Variants in BCL11B observed in about 807,000 individuals in gnomAD.
The protein encoded by BCL11B is BCL11 transcription factor B.
A neutral mutation model predicts 49.9 loss-of-function variants in BCL11B; 8 were observed. That is an observed-to-expected ratio of 0.16 (90% CI 0.09 to 0.29). BCL11B has a LOEUF of 0.29. Ranked by LOEUF, BCL11B falls within the 10% of genes least tolerant of loss-of-function variation. BCL11B has a pLI of 1.00. For missense variants in BCL11B, 1,006 were observed against 1,351.0 expected, an observed-to-expected ratio of 0.74 and a Z score of 4.00; for synonymous variants, 739 against 637.4, an observed-to-expected ratio of 1.16 and a Z score of -2.40.
At chr14:99,229,528 T>C (rs967862356) in intron 3 of BCL11B, among the ~76,000 whole-genome samples, 1 of 152,202 alleles carries the variant, frequency 6.6e-6, no homozygotes, top group African/African-American at 2.4e-5. Context: ...AAGCCCTTGC[T>C]TCTCCATCTG....
intron 3 of BCL11B, among the ~76,000 whole-genome samples, chr14:99,227,250 G>A (rs17098440): frequency 0.048 from 7,333 of 152,184 alleles, 663 homozygotes; most frequent in East Asian, 0.34. Flanking sequence ...ATCCCATTCC[G>A]CTCGTGCATG....
chr14:99,271,063 C>G, intron 1 of BCL11B, 98 bp downstream of exon 1: 2 of 1,294,924 alleles, frequency 1.5e-6, no homozygotes, highest in Non-Finnish European at 2.0e-6. Flanking sequence ...GCGGCCCCGG[C>G]GCCTGGCCAG....
chr14:99,171,417 GTTT>G lies in BCL11B; in HGVS notation c.*2731_*2733del, dbSNP rs768070518. Reference sequence around the variant, plus strand: ...ATATTATGGCAGCCTGTTTGTTTTTGTTTTTTTTTTCTTTTTATTTCCAAATTC... The same window carrying G: ...ATATTATGGCAGCCTGTTTGTTTTTGTTTTTTTCTTTTTATTTCCAAATTC... On this transcript the variant is annotated 3_prime_UTR_variant, in exon 4 of 4. Transcript: ENST00000357195. 7.1e-5 allele frequency: 14 copies of G among 197,278 alleles called. No homozygotes were observed. The highest frequency in any genetic ancestry group is 2.9e-4 in the African/African-American group (12 of 41,816). 12.2% of individuals were successfully genotyped at this position (197,278 alleles called of 1,614,324 possible). A position where few individuals can be genotyped will look rare whatever the true frequency, so the allele number is the denominator to read the frequency against.
intron 3 of BCL11B, among the ~76,000 whole-genome samples, chr14:99,188,966 C>G (rs913263454): frequency 1.3e-5 from 2 of 152,232 alleles, no homozygotes; most frequent in African/African-American, 4.8e-5. Context: ...TAAGACGAAT[C>G]AATACGACGT....
intron 3 of BCL11B, among the ~76,000 whole-genome samples, chr14:99,201,213 C>G (rs1406466386): frequency 1.3e-5 from 2 of 152,200 alleles, no homozygotes; most frequent in Non-Finnish European, 2.9e-5. Context: ...GGAAGCAAAA[C>G]CAAGGCTCAT....
intron 2 of BCL11B, among the ~76,000 whole-genome samples, chr14:99,246,831 G>C (rs1888858257): frequency 6.6e-6 from 1 of 152,198 alleles, no homozygotes; most frequent in Non-Finnish European, 1.5e-5. Context: ...GGCCAAGCTT[G>C]AGGAGGGGCT....
At chr14:99,252,167 G>A (rs1020233658) in intron 2 of BCL11B, among the ~76,000 whole-genome samples, 3 of 152,038 alleles carry the variant, frequency 2.0e-5, no homozygotes, top group Non-Finnish European at 4.4e-5. Context: ...ACAGAACACT[G>A]CACTATTCCT....
Position 99,174,376 on chromosome 14 carries a change from G to A in BCL11B, c.2460C>T (p.Gly820=), listed in dbSNP as rs373169869. ...ACAGCTCGCACTTGTAAGGCCGCTC[G>A]CCGGTGTGGCTCCGCCGGTGCACCG... is the stretch of plus-strand genomic sequence containing the variant. ...NLTVHRRSHT[G]ERPYKCELCN... The change falls in exon 4 of 4, where the codon GGC becomes GGT. Residue 820 remains glycine, a synonymous_variant. Transcript: ENST00000357195. The A allele has an allele frequency of 6.2e-7, 1 of 1,613,444 alleles. No individual in the cohort carries two copies. Among genetic ancestry groups the A allele is most frequent in the Non-Finnish European group, 8.5e-7 (1 of 1,179,904 alleles).
At position 99,257,541 on chromosome 14, in the gene BCL11B, G is replaced by A. The variant is rs755697354; in HGVS notation, c.357C>T (p.Val119=). ...VSEPVEIGIQ[V]TPDEDDHLLS... is the part of the protein sequence containing the mutation. The stretch of plus-strand genomic sequence containing the variant: ...GCAGGTGGTCATCTTCGTCGGGGGT[G>A]ACTTGGATCCCGATCTCCACCGGCT... Residue 119 remains valine, a synonymous_variant, in exon 2 of 4, where the codon GTC becomes GTT. Coordinates refer to ENST00000357195, the MANE Select transcript of BCL11B (RefSeq NM_138576.4). This position sits in a 1 kb window ranked among gnomAD's most constrained non-coding sequence, Gnocchi z 6.2. 18 of 1,613,868 alleles carry A rather than the reference G, an allele frequency of 1.1e-5. No individual in the cohort carries two copies. The East Asian group carries it at 3.8e-4, about 34-fold the overall frequency.
chr14:99,231,997 C>T lies in BCL11B; in HGVS notation c.428-440G>A, dbSNP rs962406421. On this transcript the variant is annotated intron_variant, in intron 2 of 3. Transcript: ENST00000357195. The surrounding 1 kb of genome is among the most constrained non-coding windows in gnomAD (Gnocchi z 8.1). ...GGAAGCTCACAGCCTCCCCTGTTTGCTGTATCAGGATGGGCTGTTCCTACA... is the reference window on the plus strand; with the variant it reads ...GGAAGCTCACAGCCTCCCCTGTTTGTTGTATCAGGATGGGCTGTTCCTACA... Among the ~76,000 whole-genome samples, 11 of 152,168 alleles carry T rather than the reference C, an allele frequency of 7.2e-5. No homozygotes were observed. Among genetic ancestry groups the T allele is most frequent in the African/African-American group, 2.2e-4 (9 of 41,458 alleles).
Position 99,175,341 on chromosome 14 carries a change from CG to C in BCL11B, c.1494del (p.Glu499SerfsTer64). Reference protein sequence around the residue: ...SDDGLSAASSPEPGTSELAGE... With the variant: ...SDDGLSAASSXEPGTSELAGE... The stretch of plus-strand genomic sequence containing the variant: ...CCCGCCAGCTCGCTGGTGCCGGGCT[CG>C]GGGGAGCTGGCGGCCGAGAGCCCGT... On this transcript the variant is annotated frameshift_variant, in exon 4 of 4. Transcript: ENST00000357195. LOFTEE classifies it high-confidence loss of function. 1.9e-6 allele frequency: 3 copies of C among 1,555,186 alleles called. No individual in the cohort carries two copies.
At chr14:99,202,770 G>A (rs1021727064) in intron 3 of BCL11B, among the ~76,000 whole-genome samples, 3 of 152,180 alleles carry the variant, frequency 2.0e-5, no homozygotes, top group African/African-American at 7.2e-5. Flanking sequence ...GGAATAGCGA[G>A]GCCGAGGCCA....
At chr14:99,246,661 T>C (rs994208730) in intron 2 of BCL11B, among the ~76,000 whole-genome samples, 1 of 152,160 alleles carries the variant, frequency 6.6e-6, no homozygotes, top group Non-Finnish European at 1.5e-5. Flanking sequence ...CATTGTGTTC[T>C]CCTGTGTGGC....
At position 99,201,879 on chromosome 14, in the gene BCL11B, A is replaced by T. The variant is rs563886401; in HGVS notation, c.641-25684T>A. 1.1e-4 allele frequency among the ~76,000 whole-genome samples: 17 copies of T among 151,696 alleles called. No homozygotes were observed. In the East Asian group the frequency reaches 3.3e-3, roughly 29 times the overall value. On this transcript the variant is annotated intron_variant, in intron 3 of 3. Transcript: ENST00000357195. ...TGCCAGGGTGCCCCCAAGGAGCTGC[A>T]CTCTTCCTCTCTATTTCTGGTGACC... is the stretch of plus-strand genomic sequence containing the variant.
chr14:99,261,702 A>G (rs2139963103), intron 1 of BCL11B, among the ~76,000 whole-genome samples: 1 of 152,310 alleles, frequency 6.6e-6, no homozygotes, highest in African/African-American at 2.4e-5. Context: ...CCTGCAGAAT[A>G]TTGCTGCTCT....
chr14:99,242,992 C>A lies in BCL11B; in HGVS notation c.428-11435G>T, dbSNP rs1231274696. Among the ~76,000 whole-genome samples the A allele has an allele frequency of 1.3e-5, 2 of 152,222 alleles. No homozygotes were observed. The highest frequency in any genetic ancestry group is 1.3e-4 in the Admixed American group (2 of 15,286). On this transcript the variant is annotated intron_variant, in intron 2 of 3. Coordinates refer to ENST00000357195, the MANE Select transcript of BCL11B (RefSeq NM_138576.4). The surrounding 1 kb of genome is among the most constrained non-coding windows in gnomAD (Gnocchi z 4.4). Reference sequence around the variant, plus strand: ...GAGTTCCTTCCTCACCGGCACCTAGCAAGCCTGTGCATTTAAAGACTGCTT... The same window carrying A: ...GAGTTCCTTCCTCACCGGCACCTAGAAAGCCTGTGCATTTAAAGACTGCTT...
intron 3 of BCL11B, among the ~76,000 whole-genome samples, chr14:99,185,311 C>T (rs1886819808): frequency 6.6e-6 from 1 of 152,046 alleles, no homozygotes. Flanking sequence ...GTGGCACGCA[C>T]CTATAATCCC....
rs1887123304 is a variant in BCL11B at position 99,194,432 on chromosome 14, T to C, written c.641-18237A>G. 1.3e-5 allele frequency among the ~76,000 whole-genome samples: 2 copies of C among 152,238 alleles called. No homozygotes were observed. Among genetic ancestry groups the C allele is most frequent in the South Asian group, 4.1e-4 (2 of 4,830 alleles). On this transcript the variant is annotated intron_variant, in intron 3 of 3. Transcript: ENST00000357195. The surrounding 1 kb of genome is among the most constrained non-coding windows in gnomAD (Gnocchi z 4.6). ...ATGCCTGTAGGCATGGCCAGAGCTC[T>C]GTCCTTCTCGGCTTCTGCCCTGTGG...
At chr14:99,230,602 A>C (rs1888299704) in intron 3 of BCL11B, among the ~76,000 whole-genome samples, 1 of 152,228 alleles carries the variant, frequency 6.6e-6, no homozygotes, top group Admixed American at 6.5e-5. Flanking sequence ...CTTGGGTTCC[A>C]CTTGGGGAGA....
Sources: allele counts gnomAD v4.1 joint callset (sites outside exome capture counted in the v4.1 genomes callset), GRCh38; gene constraint gnomAD v4.1.1; non-coding constraint Gnocchi (gnomAD v3.1); transcripts MANE v1.5; gene names NCBI Gene and HGNC (gene_info 2026-07-23, HGNC 2026-07-21).